PSPC1: variants seen among roughly 807,000 people sequenced by gnomAD.
PSPC1 encodes paraspeckle component 1.
In PSPC1, 14 loss-of-function variants were observed where a neutral mutation model predicts 51.6. The ratio of observed to expected loss-of-function variants is 0.27; its 90% CI spans 0.18 to 0.42. PSPC1 has a LOEUF of 0.42. Ranked by LOEUF, PSPC1 falls within the 10% of genes least tolerant of loss-of-function variation. The pLI is 1.00. For missense variants in PSPC1, 406 were observed against 701.1 expected, an observed-to-expected ratio of 0.58 and a Z score of 4.75; for synonymous variants, 193 against 231.9, an observed-to-expected ratio of 0.83 and a Z score of 1.53.
chr13:19,702,506 T>G lies in PSPC1; in HGVS notation c.*669A>C, dbSNP rs2137717712. The G allele has an allele frequency of 6.6e-6, 1 of 152,286 alleles. No homozygotes were observed. Among genetic ancestry groups the G allele is most frequent in the East Asian group, 1.9e-4 (1 of 5,192 alleles). 9.4% of individuals were successfully genotyped at this position (152,286 alleles called of 1,614,324 possible). On this transcript the variant is annotated 3_prime_UTR_variant, in exon 9 of 9. Coordinates refer to ENST00000338910, the MANE Select transcript of PSPC1 (RefSeq NM_001354909.2). The stretch of plus-strand genomic sequence containing the variant: ...GAGATTTGCCTTCAAACAGTTTTTT[T>G]CAAGATGAAAAAGATTTATTTGGAA...
intron 2 of PSPC1, among the ~76,000 whole-genome samples, chr13:19,771,168 C>T (rs909959249): frequency 3.3e-5 from 5 of 152,012 alleles, no homozygotes; most frequent in Admixed American, 1.3e-4. Flanking sequence ...GGCAGAGTCT[C>T]GCTCTGTCGC....
chr13:19,696,487 TCACACACA>T (rs1198591152), intron 6 of PSPC1, among the ~76,000 whole-genome samples: 2 of 144,936 alleles, frequency 1.4e-5, no homozygotes, highest in Non-Finnish European at 3.0e-5. Flanking sequence ...TAGGCCTTTA[TCACACACA>T]CACGCACACA....
intron 4 of PSPC1, among the ~76,000 whole-genome samples, chr13:19,746,310 G>A (rs891358628): frequency 6.6e-5 from 10 of 151,776 alleles, no homozygotes; most frequent in Non-Finnish European, 1.3e-4. Context: ...GCTGAGGCAG[G>A]AGAATCACTT....
intron 6 of PSPC1, among the ~76,000 whole-genome samples, chr13:19,710,110 A>G (rs568464274): frequency 1.3e-5 from 2 of 151,594 alleles, no homozygotes; most frequent in East Asian, 3.9e-4. Flanking sequence ...TAATTCATTC[A>G]TGTATTTGTA....
chr13:19,683,321 T>C (rs1877493626), intron 6 of PSPC1, among the ~76,000 whole-genome samples: 1 of 152,172 alleles, frequency 6.6e-6, no homozygotes, highest in South Asian at 2.1e-4. Flanking sequence ...TAAAGATATG[T>C]CATTGAGCAG....
chr13:19,779,756 G>A (rs1403492229), intron 1 of PSPC1, among the ~76,000 whole-genome samples: 2 of 86,288 alleles, frequency 2.3e-5, no homozygotes, highest in Non-Finnish European at 4.7e-5. Context: ...CCTCCGCCCA[G>A]CCAGCCGGCC....
Position 19,782,871 on chromosome 13 carries a change from A to G in PSPC1, c.-114T>C. 7.9e-7 allele frequency: 1 copy of G among 1,258,002 alleles called. No homozygotes were observed. The highest frequency in any genetic ancestry group is 1.5e-5 in the African/African-American group (1 of 64,562). The allele number at this position is 1,258,002 out of a possible 1,614,324, so 77.9% of individuals were successfully genotyped here. A position where few individuals can be genotyped will look rare whatever the true frequency, so the allele number is the denominator to read the frequency against. The stretch of plus-strand genomic sequence containing the variant: ...TGCCAACAAAATATCGACAATCAAG[A>G]GACCGCTAGGTAGGCGAGTCGGCAA... On this transcript the variant is annotated 5_prime_UTR_variant, in exon 1 of 9. Transcript: ENST00000338910. The surrounding 1 kb of genome is among the most constrained non-coding windows in gnomAD (Gnocchi z 4.5).
intron 6 of PSPC1, among the ~76,000 whole-genome samples, chr13:19,680,642 AG>A (rs1457971244): frequency 6.6e-6 from 1 of 152,232 alleles, no homozygotes; most frequent in African/African-American, 2.4e-5. Context: ...TTAAAAGAAA[AG>A]GTCTCCCTTA....
intron 6 of PSPC1, among the ~76,000 whole-genome samples, chr13:19,729,337 C>G (rs1395975058): frequency 6.6e-6 from 1 of 151,912 alleles, no homozygotes. Context: ...AAGAGTTCGA[C>G]ACCAGCCTGG....
At chr13:19,740,810 T>C (rs545988706) in intron 5 of PSPC1, among the ~76,000 whole-genome samples, 2 of 152,274 alleles carry the variant, frequency 1.3e-5, no homozygotes, top group South Asian at 2.1e-4. Flanking sequence ...ACCATCACGA[T>C]TGTCTATTAT....
chr13:19,679,457 C>T (rs1877033813), intron 6 of PSPC1, among the ~76,000 whole-genome samples: 1 of 152,180 alleles, frequency 6.6e-6, no homozygotes, highest in Non-Finnish European at 1.5e-5. Flanking sequence ...GATCACACCA[C>T]TGTGCTCCAG....
At chr13:19,699,191 T>C (rs1190034336), downstream of PSPC1, among the ~76,000 whole-genome samples, 1 of 151,938 alleles carries the variant, frequency 6.6e-6, no homozygotes, top group East Asian at 1.9e-4. Context: ...CTACTTTTGA[T>C]ATTTATTTTT....
chr13:19,733,478 C>T (rs940393121), intron 5 of PSPC1, among the ~76,000 whole-genome samples: 2 of 151,918 alleles, frequency 1.3e-5, no homozygotes, highest in African/African-American at 2.4e-5. Flanking sequence ...ATATTAGCCA[C>T]GGCCATGCAC....
intron 6 of PSPC1, among the ~76,000 whole-genome samples, chr13:19,684,844 T>G (rs1196430027): frequency 1.3e-5 from 2 of 152,356 alleles, no homozygotes; most frequent in East Asian, 3.9e-4. Flanking sequence ...TACTTCTGAA[T>G]TAGAAGTGTA....
intron 3 of PSPC1, among the ~76,000 whole-genome samples, chr13:19,755,600 AAAC>A (rs1566033175): frequency 2.0e-5 from 3 of 151,990 alleles, no homozygotes; most frequent in Non-Finnish European, 4.4e-5. Context: ...AAAAAAAAAA[AAAC>A]AATAGATATG....
intron 1 of PSPC1, 147 bp from the exon 2 acceptor site, chr13:19,772,690 T>C (rs906735397): frequency 2.8e-6 from 2 of 713,784 alleles, no homozygotes; most frequent in Admixed American, 3.1e-5. Flanking sequence ...TGGTATCACA[T>C]GGTTTTTAAC....
chr13:19,779,650 T>A (rs1206350515), intron 1 of PSPC1, among the ~76,000 whole-genome samples: 13 of 30,934 alleles, frequency 4.2e-4, no homozygotes, highest in South Asian at 2.9e-3. Flanking sequence ...GGAGCCCCTC[T>A]GCCCGGCCAG....
intron 6 of PSPC1, among the ~76,000 whole-genome samples, chr13:19,691,316 T>C (rs1422847207): frequency 1.3e-5 from 2 of 151,644 alleles, no homozygotes; most frequent in Non-Finnish European, 2.9e-5. Flanking sequence ...AGACAAGGAG[T>C]TTGAGACCAG....
Position 19,780,365 on chromosome 13 carries a change from AGAAAGGCGG to A in PSPC1, c.372+2012_372+2020del, listed in dbSNP as rs1417588976. 3.0e-5 allele frequency among the ~76,000 whole-genome samples: 3 copies of A among 100,604 alleles called. No homozygotes were observed. The East Asian group carries it at 1.0e-3, about 35-fold the overall frequency. 66.0% of individuals were successfully genotyped at this position (100,604 alleles called of 152,430 possible). On this transcript the variant is annotated intron_variant, in intron 1 of 8. Transcript: ENST00000338910. ...GATGACAATGGCGGCTTTGTGGAATAGAAAGGCGGGAAAGGTGGGGAAAAGATTGAGAAA... is the reference window on the plus strand; with the variant it reads ...GATGACAATGGCGGCTTTGTGGAATAGAAAGGTGGGGAAAAGATTGAGAAA...
Sources: allele counts gnomAD v4.1 joint callset (sites outside exome capture counted in the v4.1 genomes callset), GRCh38; gene constraint gnomAD v4.1.1; non-coding constraint Gnocchi (gnomAD v3.1); transcripts MANE v1.5; gene names NCBI Gene and HGNC (gene_info 2026-07-23, HGNC 2026-07-21).